The following PTPRR variants were observed in gnomAD, a reference collection of about 807,000 sequenced individuals.
PTPRR encodes the protein receptor-type tyrosine-protein phosphatase R.
In PTPRR, 38 loss-of-function variants were observed where a neutral mutation model predicts 77.2. That is an observed-to-expected ratio of 0.49 (90% CI 0.38 to 0.65). PTPRR has a LOEUF of 0.65. Among genes scored for constraint, PTPRR ranks in the 30% least tolerant of loss-of-function variants. The pLI is 0.00. For missense variants in PTPRR, 744 were observed against 799.2 expected (o/e 0.93, Z 0.83); for synonymous variants, 299 against 283.1 (o/e 1.06, Z -0.57).
chr12:70,838,779 G>A (rs936874143), intron 2 of PTPRR, among the ~76,000 whole-genome samples: 3 of 152,100 alleles, frequency 2.0e-5, no homozygotes, highest in Admixed American at 6.6e-5. Flanking sequence ...TAGGAAAATT[G>A]TAGCAGAAGC....
chr12:70,832,655 A>G (rs1369813147), intron 2 of PTPRR, among the ~76,000 whole-genome samples: 3 of 152,190 alleles, frequency 2.0e-5, no homozygotes, highest in Non-Finnish European at 4.4e-5. Flanking sequence ...AACCAAGAGG[A>G]TATCACAACA....
intron 2 of PTPRR, among the ~76,000 whole-genome samples, chr12:70,849,003 T>C (rs1005645930): frequency 6.6e-6 from 1 of 152,184 alleles, no homozygotes; most frequent in Non-Finnish European, 1.5e-5. Context: ...CTTGCCCACA[T>C]CCCCAATCAC....
chr12:70,714,069 A>G (rs1344310593), intron 6 of PTPRR, among the ~76,000 whole-genome samples: 1 of 152,078 alleles, frequency 6.6e-6, no homozygotes, highest in Non-Finnish European at 1.5e-5. Context: ...TTTTGGCACT[A>G]AGTTATTCTG....
intron 13 of PTPRR, 45 bp from the exon 14 acceptor site, chr12:70,639,322 G>A: frequency 6.3e-7 from 1 of 1,586,518 alleles, no homozygotes. Flanking sequence ...CTAAAATCTT[G>A]CAATTTCAAG....
intron 2 of PTPRR, among the ~76,000 whole-genome samples, chr12:70,768,689 G>A (rs528104477): frequency 5.3e-5 from 8 of 152,138 alleles, no homozygotes; most frequent in Admixed American, 3.9e-4. Flanking sequence ...TACCAAAGCC[G>A]GGCAGAGATA....
chr12:70,654,033 A>G (rs966832067), intron 13 of PTPRR, among the ~76,000 whole-genome samples: 1 of 152,222 alleles, frequency 6.6e-6, no homozygotes, highest in African/African-American at 2.4e-5. Flanking sequence ...GAAGGGAAAA[A>G]CTAATCTGGA....
At chr12:70,657,747 G>A (rs1447769892) in intron 12 of PTPRR, among the ~76,000 whole-genome samples, 1 of 152,144 alleles carries the variant, frequency 6.6e-6, no homozygotes, top group Non-Finnish European at 1.5e-5. Context: ...CAGCCTAGAA[G>A]TCTTGGAACC....
chr12:70,835,659 C>G (rs1892288113), intron 2 of PTPRR, among the ~76,000 whole-genome samples: 1 of 152,120 alleles, frequency 6.6e-6, no homozygotes, highest in Non-Finnish European at 1.5e-5. Flanking sequence ...TTAATAGTCT[C>G]TCTAGGTACT....
chr12:70,680,880 G>A (rs1366631198), intron 10 of PTPRR, among the ~76,000 whole-genome samples: 2 of 152,192 alleles, frequency 1.3e-5, no homozygotes, highest in African/African-American at 4.8e-5. Context: ...GGGACATGCA[G>A]GGGCTGGTCC....
At chr12:70,723,943 T>A (rs1004474627) in intron 6 of PTPRR, among the ~76,000 whole-genome samples, 1 of 152,176 alleles carries the variant, frequency 6.6e-6, no homozygotes, top group Admixed American at 6.5e-5. Flanking sequence ...TCTTTATTTT[T>A]AAAAATTCAC....
At chr12:70,904,298 T>G (rs1185019575) in intron 1 of PTPRR, among the ~76,000 whole-genome samples, 1 of 151,798 alleles carries the variant, frequency 6.6e-6, no homozygotes, top group Non-Finnish European at 1.5e-5. Context: ...TGCCCCCAAA[T>G]GGAAACAACT....
At chr12:70,868,334 T>A (rs1892895789) in intron 2 of PTPRR, among the ~76,000 whole-genome samples, 1 of 138,164 alleles carries the variant, frequency 7.2e-6, no homozygotes, top group Non-Finnish European at 1.5e-5. Flanking sequence ...CTCAAACAAA[T>A]TTACAAGAAA....
At chr12:70,731,164 T>C (rs1448488966) in intron 6 of PTPRR, among the ~76,000 whole-genome samples, 1 of 132,458 alleles carries the variant, frequency 7.5e-6, no homozygotes. Flanking sequence ...AAAGAAAATA[T>C]ACTTTAAAGT....
At chr12:70,793,046 T>A (rs1377180863) in intron 2 of PTPRR, among the ~76,000 whole-genome samples, 1 of 152,166 alleles carries the variant, frequency 6.6e-6, no homozygotes, top group African/African-American at 2.4e-5. Context: ...GATAACTCGT[T>A]TTAAGAAGGG....
intron 2 of PTPRR, among the ~76,000 whole-genome samples, chr12:70,878,440 G>A (rs1456669417): frequency 3.9e-5 from 6 of 152,160 alleles, no homozygotes; most frequent in Admixed American, 6.5e-5. Flanking sequence ...AGGGGGCAAA[G>A]GATATGAACA....
At position 70,695,242 on chromosome 12, in the gene PTPRR, A is replaced by G. The variant is rs142649934; in HGVS notation, c.1279+3023T>C. Among the ~76,000 whole-genome samples, 592 of 152,308 alleles carry G rather than the reference A, an allele frequency of 3.9e-3. 3 individuals are homozygous for G. Among genetic ancestry groups the G allele is most frequent in the African/African-American group, 0.014 (565 of 41,574 alleles). On this transcript the variant is annotated intron_variant, in intron 8 of 13. Transcript: ENST00000283228. ...TTAGTGTAGGTTAAAACTAAAAACA[A>G]TCATAATGTTTAAATTCTTGATCAT... is the stretch of plus-strand genomic sequence containing the variant.
intron 8 of PTPRR, among the ~76,000 whole-genome samples, chr12:70,685,978 C>T (rs746184353): frequency 6.6e-6 from 1 of 152,182 alleles, no homozygotes; most frequent in African/African-American, 2.4e-5. Flanking sequence ...TTAGCCACTA[C>T]GCTGTGCTGC....
At chr12:70,640,411 C>T (rs1885955544) in intron 13 of PTPRR, among the ~76,000 whole-genome samples, 1 of 152,002 alleles carries the variant, frequency 6.6e-6, no homozygotes, top group African/African-American at 2.4e-5. Flanking sequence ...CTCAAGTGAT[C>T]CTCTTGTCTT....
intron 2 of PTPRR, among the ~76,000 whole-genome samples, chr12:70,856,522 C>T (rs920950046): frequency 6.6e-6 from 1 of 152,034 alleles, no homozygotes; most frequent in Admixed American, 6.6e-5. Context: ...TGAAGGCTCT[C>T]TGGGACACAG....
Sources: allele counts gnomAD v4.1 joint callset (sites outside exome capture counted in the v4.1 genomes callset), GRCh38; gene constraint gnomAD v4.1.1; transcripts MANE v1.5; gene names NCBI Gene and HGNC (gene_info 2026-07-23, HGNC 2026-07-21).